NDST4: variants seen among roughly 807,000 people sequenced by gnomAD.
NDST4 encodes N-heparan sulfate sulfotransferase 4.
NDST4 carries 63 observed loss-of-function variants against 100.8 expected under a neutral mutation model. That is an observed-to-expected ratio of 0.62 (90% CI 0.51 to 0.77). The LOEUF (loss-of-function observed/expected upper bound fraction) is 0.77. Among genes scored for constraint, NDST4 ranks in the 30% least tolerant of loss-of-function variants. NDST4 has a pLI of 0.00. For synonymous variants in NDST4, 377 were observed against 361.8 expected, an observed-to-expected ratio of 1.04 and a Z score of -0.48; for missense variants, 943 against 1,018.4, an observed-to-expected ratio of 0.93 and a Z score of 1.01.
intron 1 of NDST4, among the ~76,000 whole-genome samples, chr4:115,088,379 T>C (rs1457543487): frequency 5.9e-5 from 9 of 151,752 alleles, no homozygotes; most frequent in Non-Finnish European, 1.0e-4. Context: ...TTCTAGGGAC[T>C]TTAAAAAACT....
At chr4:114,875,688 G>C (rs12639904) in intron 6 of NDST4, among the ~76,000 whole-genome samples, 69 of 152,068 alleles carry the variant, frequency 4.5e-4, no homozygotes, top group African/African-American at 1.6e-3. Context: ...GTAACATTTT[G>C]TGTTTGACTT....
intron 2 of NDST4, among the ~76,000 whole-genome samples, chr4:115,011,801 A>C (rs1411407764): frequency 2.0e-5 from 3 of 152,028 alleles, no homozygotes; most frequent in Admixed American, 6.6e-5. Flanking sequence ...TAACAGGAAC[A>C]GAAATGAAAG....
chr4:115,076,808 C>T lies in NDST4; in HGVS notation c.229G>A (p.Asp77Asn), dbSNP rs768517771. The change falls in exon 2 of 14, where the codon GAC becomes AAC. Residue 77 changes from aspartate (D) to asparagine (N), a missense_variant. Asp to Asn is a conservative substitution (Grantham distance 23, BLOSUM62 1). Around this residue, in one of 2 missense-constraint regions of NDST4, gnomAD observed 417 missense variants for 384.2 expected, o/e 1.09. Transcript: ENST00000264363. ...TCCACGAAGAGAAGGACAGTAGGGT[C>T]CGTTTTGGATGTGTCAATAGGTTTA... is the stretch of plus-strand genomic sequence containing the variant. ...TVKPIDTSKT[D>N]PTVLLFVESQ... 6.3e-5 allele frequency: 101 copies of T among 1,613,730 alleles called. 1 individual carries two copies. The East Asian group carries it at 2.2e-3, about 35-fold the overall frequency.
intron 7 of NDST4, among the ~76,000 whole-genome samples, chr4:114,870,416 C>T (rs1724122822): frequency 6.6e-6 from 1 of 151,936 alleles, no homozygotes; most frequent in African/African-American, 2.4e-5. Context: ...GTTTTTATTT[C>T]CCTAGATATC....
chr4:114,905,852 T>C (rs1363621748), intron 6 of NDST4, among the ~76,000 whole-genome samples: 1 of 152,050 alleles, frequency 6.6e-6, no homozygotes, highest in Non-Finnish European at 1.5e-5. Flanking sequence ...GACACTTTAA[T>C]AAATTGTTCT....
intron 4 of NDST4, among the ~76,000 whole-genome samples, chr4:114,962,090 T>C (rs998443210): frequency 2.1e-4 from 32 of 152,074 alleles, no homozygotes; most frequent in African/African-American, 7.7e-4. Context: ...GGAAAAAGTA[T>C]GTAACAAATC....
chr4:114,893,567 C>T (rs1724645165), intron 6 of NDST4, among the ~76,000 whole-genome samples: 1 of 151,378 alleles, frequency 6.6e-6, no homozygotes, highest in Admixed American at 6.6e-5. Flanking sequence ...CTGTTCAGAT[C>T]CTTTGTCCAC....
Position 114,910,309 on chromosome 4 carries a change from T to A in NDST4, c.1536+24897A>T, listed in dbSNP as rs1240037975. The stretch of plus-strand genomic sequence containing the variant: ...CTCATTCATTCATCTCCTCAATTTC[T>A]CAGAATTACCATTTCAGGAAATGTA... On this transcript the variant is annotated intron_variant, in intron 6 of 13. Transcript: ENST00000264363. Among the ~76,000 whole-genome samples the A allele has an allele frequency of 3.3e-5, 5 of 152,308 alleles. No individual in the cohort carries two copies. The South Asian group carries it at 6.2e-4, about 19-fold the overall frequency.
At chr4:115,108,521 A>G (rs1729877551) in intron 1 of NDST4, among the ~76,000 whole-genome samples, 1 of 151,968 alleles carries the variant, frequency 6.6e-6, no homozygotes, top group African/African-American at 2.4e-5. Flanking sequence ...TATAAAAATG[A>G]TTTAGAGGAT....
At chr4:114,941,134 T>C (rs938343663) in intron 4 of NDST4, among the ~76,000 whole-genome samples, 8 of 152,242 alleles carry the variant, frequency 5.3e-5, no homozygotes, top group African/African-American at 1.9e-4. Flanking sequence ...GAAGTATTTT[T>C]ACATTTACGT....
intron 2 of NDST4, among the ~76,000 whole-genome samples, chr4:114,979,029 A>G (rs1367807063): frequency 6.6e-6 from 1 of 152,074 alleles, no homozygotes; most frequent in East Asian, 1.9e-4. Context: ...TCAGTTAGGT[A>G]TCCTTGGTGC....
intron 2 of NDST4, among the ~76,000 whole-genome samples, chr4:115,026,674 C>A (rs1303532180): frequency 7.3e-6 from 1 of 136,064 alleles, no homozygotes; most frequent in Non-Finnish European, 1.6e-5. Context: ...CATCATTTTT[C>A]TTTTTTTGGC....
chr4:115,018,337 C>G (rs1257937090), intron 2 of NDST4, among the ~76,000 whole-genome samples: 1 of 151,868 alleles, frequency 6.6e-6, no homozygotes, highest in East Asian at 1.9e-4. Context: ...ATTCTCAGTA[C>G]AAAATGGAAA....
At chr4:114,921,793 C>T (rs1192280168) in intron 6 of NDST4, among the ~76,000 whole-genome samples, 3 of 152,098 alleles carry the variant, frequency 2.0e-5, no homozygotes, top group African/African-American at 7.2e-5. Context: ...TGTTTGATTT[C>T]ATGAAAAAAG....
At chr4:114,963,528 C>T (rs572322841) in intron 4 of NDST4, among the ~76,000 whole-genome samples, 63 of 152,252 alleles carry the variant, frequency 4.1e-4, no homozygotes, top group African/African-American at 1.5e-3. Context: ...TCTGTGAATA[C>T]ACTGAAAACC....
intron 6 of NDST4, among the ~76,000 whole-genome samples, chr4:114,889,679 G>T (rs1022955876): frequency 1.9e-4 from 29 of 152,258 alleles, no homozygotes; most frequent in African/African-American, 6.5e-4. Flanking sequence ...GAAACATTAT[G>T]GGCTGTCTTC....
At chr4:114,899,272 G>A (rs1724784184) in intron 6 of NDST4, among the ~76,000 whole-genome samples, 1 of 152,150 alleles carries the variant, frequency 6.6e-6, no homozygotes, top group African/African-American at 2.4e-5. Context: ...CCGCCTCCCA[G>A]GTTCAAGGCA....
chr4:114,945,708 G>T (rs1303388166), intron 4 of NDST4, among the ~76,000 whole-genome samples: 2 of 152,180 alleles, frequency 1.3e-5, no homozygotes, highest in African/African-American at 4.8e-5. Flanking sequence ...TGGCGCTACA[G>T]AGAATAGATC....
intron 1 of NDST4, among the ~76,000 whole-genome samples, chr4:115,110,227 C>A (rs542179503): frequency 6.6e-6 from 1 of 152,034 alleles, no homozygotes; most frequent in East Asian, 1.9e-4. Context: ...CCTCTAACTT[C>A]TTAAGCTTGC....
Sources: gnomAD v4.1 joint callset for allele counts (sites outside exome capture counted in the v4.1 genomes callset) on GRCh38, gnomAD v4.1.1 for gene constraint, gnomAD v4.1.1 regional missense constraint, MANE v1.5 for transcripts, NCBI Gene and HGNC (gene_info 2026-07-23, HGNC 2026-07-21) for gene names.